The following ALK variants were observed in gnomAD, a reference collection of about 807,000 sequenced individuals.
ALK encodes ALK tyrosine kinase receptor.
Under a neutral mutation model 163.1 loss-of-function variants are expected in ALK, and 74 were observed. That is an observed-to-expected ratio of 0.45 (90% CI 0.38 to 0.55). The LOEUF (loss-of-function observed/expected upper bound fraction) is 0.55, where lower values mean the gene tolerates loss of function less well. ALK is among the 20% of genes least tolerant of loss of function. The pLI is 0.00. For missense variants in ALK, 2,063 were observed against 2,105.3 expected (o/e 0.98, Z 0.39); for synonymous variants, 960 against 843.2 (o/e 1.14, Z -2.40).
At chr2:29,357,679 C>G (rs1274439000) in intron 5 of ALK, among the ~76,000 whole-genome samples, 2 of 152,314 alleles carry the variant, frequency 1.3e-5, no homozygotes, top group East Asian at 3.9e-4. Context: ...TCTCCCATGT[C>G]AAATGCCAAG....
At chr2:29,195,318 T>C (rs753159781) in intron 28 of ALK, among the ~76,000 whole-genome samples, 1 of 152,124 alleles carries the variant, frequency 6.6e-6, no homozygotes, top group Non-Finnish European at 1.5e-5. Context: ...TAACGTGATA[T>C]AGGAAGTCTA....
At chr2:29,308,039 G>GT (rs1185886897) in intron 8 of ALK, among the ~76,000 whole-genome samples, 482 of 144,038 alleles carry the variant, frequency 3.3e-3, no homozygotes, top group Non-Finnish European at 4.9e-3. Flanking sequence ...AAAGTTACAA[G>GT]TTTTTTTTTT....
intron 3 of ALK, among the ~76,000 whole-genome samples, chr2:29,548,831 G>T (rs1366457544): frequency 6.6e-6 from 1 of 152,076 alleles, no homozygotes; most frequent in Non-Finnish European, 1.5e-5. Context: ...TACCTTGGGG[G>T]GGATGTTTTT....
intron 11 of ALK, among the ~76,000 whole-genome samples, chr2:29,266,370 A>G (rs924698516): frequency 2.6e-5 from 4 of 152,206 alleles, no homozygotes; most frequent in African/African-American, 4.8e-5. Context: ...AATTTCGTGT[A>G]TACACAAAAG....
chr2:29,701,506 A>G (rs73921165), intron 2 of ALK, among the ~76,000 whole-genome samples: 2,637 of 152,294 alleles, frequency 0.017, 72 homozygotes, highest in African/African-American at 0.059. Flanking sequence ...AGGAAGAGTC[A>G]TAAAAAAGAG....
At chr2:29,457,940 T>C (rs993273687) in intron 4 of ALK, among the ~76,000 whole-genome samples, 1 of 152,166 alleles carries the variant, frequency 6.6e-6, no homozygotes, top group Non-Finnish European at 1.5e-5. Flanking sequence ...ATCTTGAAAG[T>C]ACTATCATCA....
rs144374714 is a variant in ALK, at chr2:29,433,882, A to T, written c.1155-50023T>A. On this transcript the variant is annotated intron_variant, in intron 4 of 28. Coordinates refer to ENST00000389048, the MANE Select transcript of ALK (RefSeq NM_004304.5). ...AATGAATGAACAAATAAATGAACAA[A>T]AGAAATATCACATCCATCCTGTCTG... Among the ~76,000 whole-genome samples the T allele has an allele frequency of 1.1e-3, 160 of 152,338 alleles. 1 individual carries two copies. Among genetic ancestry groups the T allele is most frequent in the Non-Finnish European group, 2.0e-3 (134 of 68,028 alleles).
chr2:29,524,411 C>T (rs553330934), intron 4 of ALK, among the ~76,000 whole-genome samples: 2 of 152,364 alleles, frequency 1.3e-5, no homozygotes, highest in African/African-American at 4.8e-5. Flanking sequence ...AACTGCAAGG[C>T]TTTCTTGGGA....
chr2:29,233,540 G>A, intron 14 of ALK, 25 bp downstream of exon 14: 1 of 1,614,074 alleles, frequency 6.2e-7, no homozygotes, highest in South Asian at 1.1e-5. Flanking sequence ...GGAACCTGGT[G>A]GAAATCTGGC....
At chr2:29,419,329 C>G (rs528002954) in intron 4 of ALK, among the ~76,000 whole-genome samples, 6 of 151,494 alleles carry the variant, frequency 4.0e-5, no homozygotes, top group East Asian at 1.9e-4. Context: ...GCTGGGATTA[C>G]AGGCATGAGC....
rs145098897 is a variant in ALK at position 29,728,918 on chromosome 2, G to A, written c.668-11221C>T. Among the ~76,000 whole-genome samples, 541 of 152,280 alleles carry A rather than the reference G, an allele frequency of 3.6e-3. 3 individuals are homozygous for A. The highest frequency in any genetic ancestry group is 0.012 in the African/African-American group (512 of 41,558). ...CAGAAGGAGTGACCAGTTCATAAAT[G>A]CCTGCTGCCTTCTCCTGATTAAGGA... is the stretch of plus-strand genomic sequence containing the variant. On this transcript the variant is annotated intron_variant, in intron 1 of 28. Transcript: ENST00000389048.
At chr2:29,802,650 C>G (rs543627452) in intron 1 of ALK, among the ~76,000 whole-genome samples, 14 of 150,386 alleles carry the variant, frequency 9.3e-5, no homozygotes, top group Non-Finnish European at 1.9e-4. Flanking sequence ...GTATGATTAT[C>G]AAGTTGGTAG....
chr2:29,434,812 A>G (rs1296772324), intron 4 of ALK, among the ~76,000 whole-genome samples: 5 of 152,208 alleles, frequency 3.3e-5, no homozygotes, highest in African/African-American at 1.2e-4. Context: ...GGGTTGAATG[A>G]TGAGGCCATT....
At chr2:29,229,098 A>G (rs761015746) in intron 15 of ALK, 32 bp from the exon 16 acceptor site, 3 of 1,606,652 alleles carry the variant, frequency 1.9e-6, no homozygotes, top group Non-Finnish European at 2.6e-6. Context: ...CTGCGTGAGG[A>G]TGCTGGCAAG....
chr2:29,844,873 A>ACACACACAGAGG (rs1197307016), intron 1 of ALK, among the ~76,000 whole-genome samples: 1 of 151,414 alleles, frequency 6.6e-6, no homozygotes, highest in Non-Finnish European at 1.5e-5. Context: ...ACACACACAC[A>ACACACACAGAGG]CACACACACA....
intron 4 of ALK, among the ~76,000 whole-genome samples, chr2:29,518,175 T>C (rs1447814438): frequency 1.3e-5 from 2 of 152,212 alleles, no homozygotes; most frequent in Non-Finnish European, 2.9e-5. Context: ...CGCATCTAAA[T>C]GTTAATGCAC....
chr2:29,668,011 T>G (rs1269950824), intron 3 of ALK, among the ~76,000 whole-genome samples: 2 of 152,124 alleles, frequency 1.3e-5, no homozygotes, highest in Non-Finnish European at 2.9e-5. Context: ...TGTTTCCATC[T>G]TGGTAGATTG....
chr2:29,419,399 A>G (rs1323103166), intron 4 of ALK, among the ~76,000 whole-genome samples: 1 of 151,430 alleles, frequency 6.6e-6, no homozygotes, highest in Non-Finnish European at 1.5e-5. Flanking sequence ...GAGTTCCCAA[A>G]CAAGAGTTAC....
intron 9 of ALK, 27 bp downstream of exon 9, chr2:29,296,861 G>GTA: frequency 6.2e-7 from 1 of 1,613,904 alleles, no homozygotes; most frequent in Non-Finnish European, 8.5e-7. Flanking sequence ...GAGGAGAAGG[G>GTA]TATTGGGGGA....
Sources: gnomAD v4.1 joint callset for allele counts (sites outside exome capture counted in the v4.1 genomes callset) on GRCh38, gnomAD v4.1.1 for gene constraint, MANE v1.5 for transcripts, NCBI Gene and HGNC (gene_info 2026-07-23, HGNC 2026-07-21) for gene names.